Variants in DMD observed in about 807,000 individuals in gnomAD.
DMD encodes dystrophin, also known as mutant dystrophin.
Under a neutral mutation model 330.1 loss-of-function variants are expected in DMD, and 63 were observed. That is an observed-to-expected ratio of 0.19 (90% CI 0.16 to 0.24). The LOEUF (loss-of-function observed/expected upper bound fraction) is 0.24, where lower values mean the gene tolerates loss of function less well. Among genes scored for constraint, DMD ranks in the 10% least tolerant of loss-of-function variants. DMD has a pLI of 1.00. For synonymous variants in DMD, 1,223 were observed against 959.8 expected, an observed-to-expected ratio of 1.27 and a Z score of -5.07; for missense variants, 3,344 against 2,684.1, an observed-to-expected ratio of 1.25 and a Z score of -5.43.
chrX:31,800,953 A>G (rs1053037493), intron 50 of DMD, among the ~76,000 whole-genome samples: 5 of 110,938 alleles, frequency 4.5e-5, no homozygotes, highest in African/African-American at 1.6e-4. Context: ...GAAGTTTCAA[A>G]TTTTCCCACA....
At chrX:32,037,382 A>T (rs1438779499) in intron 44 of DMD, among the ~76,000 whole-genome samples, 1 of 112,200 alleles carries the variant, frequency 8.9e-6, no homozygotes, top group Non-Finnish European at 1.9e-5. Context: ...AGCGTGCTTT[A>T]TTAAATCTTC....
chrX:31,656,382 G>A (rs2080787404), intron 54 of DMD, among the ~76,000 whole-genome samples: 1 of 111,955 alleles, frequency 8.9e-6, no homozygotes, highest in African/African-American at 3.2e-5. Context: ...AGTGGCTTGG[G>A]CCATCAAGGA....
At chrX:31,952,358 A>G (rs2095193084) in intron 45 of DMD, among the ~76,000 whole-genome samples, 1 of 111,094 alleles carries the variant, frequency 9.0e-6, no homozygotes, top group African/African-American at 3.3e-5. Flanking sequence ...ATGTTTTGAC[A>G]CAAAGCTATG....
intron 44 of DMD, among the ~76,000 whole-genome samples, chrX:31,996,217 A>G: frequency 8.9e-6 from 1 of 112,334 alleles, no homozygotes; most frequent in Middle Eastern, 4.6e-3. Context: ...TGACATAAGT[A>G]TGAATCTTTG....
At chrX:32,545,000 T>C (rs1449080206) in intron 17 of DMD, among the ~76,000 whole-genome samples, 159 bp downstream of exon 17, 3 of 112,025 alleles carry the variant, frequency 2.7e-5, no homozygotes, top group African/African-American at 9.7e-5. Context: ...CTTGTGAAAG[T>C]TTTAAAATGT....
intron 2 of DMD, among the ~76,000 whole-genome samples, chrX:32,944,337 T>C (rs1283699251): frequency 8.9e-6 from 1 of 112,110 alleles, no homozygotes; most frequent in Non-Finnish European, 1.9e-5. Context: ...TTCTCTACCA[T>C]CGCCTCATTG....
intron 1 of DMD, among the ~76,000 whole-genome samples, chrX:33,260,798 C>T (rs912977963): frequency 7.2e-5 from 8 of 111,206 alleles, no homozygotes; most frequent in South Asian, 3.7e-4. Flanking sequence ...TGTATTTTGT[C>T]GATGATAGGT....
At chrX:31,799,412 G>A (rs901984428) in intron 50 of DMD, among the ~76,000 whole-genome samples, 3 of 111,572 alleles carry the variant, frequency 2.7e-5, no homozygotes, top group Non-Finnish European at 3.8e-5. Flanking sequence ...GGAAACGCCA[G>A]ACACTTATAA....
chrX:32,810,718 T>C (rs1292090721), intron 6 of DMD, among the ~76,000 whole-genome samples: 2 of 111,687 alleles, frequency 1.8e-5, no homozygotes, highest in Admixed American at 9.6e-5. Context: ...CCTGCGTTAA[T>C]TAGTGCATAG....
At chrX:31,498,442 G>A (rs1404534906) in intron 56 of DMD, among the ~76,000 whole-genome samples, 1 of 112,160 alleles carries the variant, frequency 8.9e-6, no homozygotes, top group Non-Finnish European at 1.9e-5. Context: ...CATTCATACA[G>A]TAAAATCCTT....
chrX:33,301,387 T>A (rs1221782039), intron 1 of DMD, among the ~76,000 whole-genome samples: 1 of 111,860 alleles, frequency 8.9e-6, no homozygotes, highest in Non-Finnish European at 1.9e-5. Flanking sequence ...GGTATATTTT[T>A]TTTTAAGGAA....
chrX:31,674,638 A>C (rs2081980431), intron 53 of DMD, among the ~76,000 whole-genome samples: 1 of 112,360 alleles, frequency 8.9e-6, no homozygotes, highest in Admixed American at 9.5e-5. Context: ...CAAAGCCGAC[A>C]AAAAGGGGAT....
At chrX:32,137,879 T>C (rs922643071) in intron 44 of DMD, among the ~76,000 whole-genome samples, 2 of 109,571 alleles carry the variant, frequency 1.8e-5, no homozygotes, top group African/African-American at 3.3e-5. Flanking sequence ...TAAGTGATTA[T>C]TTAACATAAT....
chrX:33,081,007 C>CACACACACACACAAA, intron 1 of DMD, among the ~76,000 whole-genome samples: 2 of 98,057 alleles, frequency 2.0e-5, no homozygotes, highest in African/African-American at 8.1e-5. Context: ...CACACACACA[C>CACACACACACACAAA]AAAAACACAT....
At chrX:31,840,456 C>T (rs1199422997) in intron 48 of DMD, among the ~76,000 whole-genome samples, 2 of 109,604 alleles carry the variant, frequency 1.8e-5, no homozygotes, top group Non-Finnish European at 3.8e-5. Flanking sequence ...TACACATACA[C>T]ATATGTGTGA....
chrX:31,531,769 C>T (rs139898879), intron 55 of DMD, among the ~76,000 whole-genome samples: 10,226 of 107,136 alleles, frequency 0.095, 538 homozygotes, highest in Admixed American at 0.19. Context: ...ACTAGAATAA[C>T]GAATACAGAG....
At chrX:31,340,273 C>T (rs1365113605) in intron 61 of DMD, among the ~76,000 whole-genome samples, 2 of 112,587 alleles carry the variant, frequency 1.8e-5, no homozygotes, top group Non-Finnish European at 3.8e-5. Flanking sequence ...GAGAAGGTCA[C>T]TCAATGAAAC....
intron 44 of DMD, among the ~76,000 whole-genome samples, chrX:32,077,993 T>C (rs1801870537): frequency 9.0e-6 from 1 of 110,592 alleles, no homozygotes; most frequent in African/African-American, 3.3e-5. Context: ...CTTGAGACTA[T>C]TTATGTTCTC....
At chrX:32,112,410 A>G (rs1026871421) in intron 44 of DMD, among the ~76,000 whole-genome samples, 1 of 111,919 alleles carries the variant, frequency 8.9e-6, no homozygotes, top group African/African-American at 3.2e-5. Flanking sequence ...GCAATTAAAT[A>G]GGCAATGCAA....
Sources: gnomAD v4.1 joint callset for allele counts (sites outside exome capture counted in the v4.1 genomes callset) on GRCh38, gnomAD v4.1.1 for gene constraint, MANE v1.5 for transcripts, NCBI Gene and HGNC (gene_info 2026-07-23, HGNC 2026-07-21) for gene names.